Variants in DAB1 observed in about 807,000 individuals in gnomAD.
DAB1 encodes the protein DAB adaptor protein 1.
Under a neutral mutation model 64.6 loss-of-function variants are expected in DAB1, and 15 were observed. The observed-to-expected ratio is 0.23, with a 90% CI of 0.16 to 0.36. The LOEUF is 0.36. Ranked by LOEUF, DAB1 falls within the 10% of genes least tolerant of loss-of-function variation. The pLI, the probability that DAB1 is intolerant of heterozygous loss-of-function variation, is 1.00. For missense variants in DAB1, 596 were observed against 706.7 expected (o/e 0.84, Z 1.78); for synonymous variants, 235 against 251.9 (o/e 0.93, Z 0.64).
At chr1:57,660,069 CAT>C (rs1333116144) in intron 6 of DAB1, among the ~76,000 whole-genome samples, 1 of 151,426 alleles carries the variant, frequency 6.6e-6, no homozygotes, top group Non-Finnish European at 1.5e-5. Context: ...ATAAAGAACA[CAT>C]AATAAAAATG....
chr1:58,324,788 A>G (rs915717100), intron 4 of DAB1, among the ~76,000 whole-genome samples: 1 of 152,214 alleles, frequency 6.6e-6, no homozygotes, highest in African/African-American at 2.4e-5. Flanking sequence ...GGCCTCCTAC[A>G]GAATTCAGCT....
At chr1:57,416,922 T>C (rs1273090350) in intron 1 of DAB1, among the ~76,000 whole-genome samples, 1 of 152,188 alleles carries the variant, frequency 6.6e-6, no homozygotes. Flanking sequence ...TTATTACCTA[T>C]GTAGTGACTA....
At chr1:57,969,306 A>G (rs1311422469) in intron 5 of DAB1, among the ~76,000 whole-genome samples, 1 of 152,172 alleles carries the variant, frequency 6.6e-6, no homozygotes, top group East Asian at 1.9e-4. Flanking sequence ...GAGCTTCACA[A>G]ATGTTAATAT....
chr1:57,043,964 C>T (rs1175981622), intron 9 of DAB1, among the ~76,000 whole-genome samples: 1 of 152,206 alleles, frequency 6.6e-6, no homozygotes, highest in African/African-American at 2.4e-5. Flanking sequence ...GAACTTGCCT[C>T]CACCATTCTC....
intron 6 of DAB1, among the ~76,000 whole-genome samples, chr1:57,807,034 T>C (rs1334833728): frequency 6.6e-6 from 1 of 152,154 alleles, no homozygotes; most frequent in Non-Finnish European, 1.5e-5. Flanking sequence ...CTATGTGTGC[T>C]CTCCCCGACT....
At chr1:58,418,139 T>G (rs1644739304) in intron 3 of DAB1, among the ~76,000 whole-genome samples, 1 of 152,170 alleles carries the variant, frequency 6.6e-6, no homozygotes, top group African/African-American at 2.4e-5. Flanking sequence ...CCTCTGCCCC[T>G]TCCCTATTCT....
chr1:57,358,389 G>A (rs1308041900), intron 1 of DAB1, among the ~76,000 whole-genome samples: 1 of 151,876 alleles, frequency 6.6e-6, no homozygotes, highest in Admixed American at 6.6e-5. Flanking sequence ...TGCTTTTTGT[G>A]CATCTATTGA....
At chr1:58,416,305 C>T (rs1357701373) in intron 3 of DAB1, among the ~76,000 whole-genome samples, 1 of 152,112 alleles carries the variant, frequency 6.6e-6, no homozygotes, top group Non-Finnish European at 1.5e-5. Flanking sequence ...CTGCATGACC[C>T]CAAAGAAAGT....
chr1:57,300,522 A>G lies in DAB1; in HGVS notation c.-136-9356T>C, dbSNP rs572579495. 1.3e-4 allele frequency among the ~76,000 whole-genome samples: 20 copies of G among 152,316 alleles called. No homozygotes were observed. In the South Asian group the frequency reaches 3.3e-3, roughly 25 times the overall value. On this transcript the variant is annotated intron_variant, in intron 1 of 14. Coordinates refer to ENST00000371236, the MANE Select transcript of DAB1 (RefSeq NM_001365792.1). ...ACCTTAAGAAGAAAAGCTGTGGATG[A>G]TAGCATGAAACAGAGAGAAGACGTA...
At chr1:57,347,926 G>A (rs183737811) in intron 1 of DAB1, among the ~76,000 whole-genome samples, 4 of 152,130 alleles carry the variant, frequency 2.6e-5, no homozygotes, top group Admixed American at 2.0e-4. Flanking sequence ...GAGCTTTGGG[G>A]TTCCATCACC....
At chr1:57,369,433 T>A (rs546863022) in intron 1 of DAB1, among the ~76,000 whole-genome samples, 2 of 152,336 alleles carry the variant, frequency 1.3e-5, no homozygotes, top group East Asian at 3.9e-4. Context: ...ATATTCTTAA[T>A]GAACATTTTC....
intron 4 of DAB1, among the ~76,000 whole-genome samples, chr1:58,292,021 A>G (rs1442527538): frequency 6.6e-6 from 1 of 152,202 alleles, no homozygotes; most frequent in African/African-American, 2.4e-5. Flanking sequence ...GAGGCCTTGA[A>G]CAGAACAAAA....
At chr1:58,040,938 G>T (rs1647125929) in intron 5 of DAB1, among the ~76,000 whole-genome samples, 1 of 152,064 alleles carries the variant, frequency 6.6e-6, no homozygotes, top group Non-Finnish European at 1.5e-5. Context: ...CCGGGGATTG[G>T]CTCTTGCTGA....
rs1425442576 is a variant in DAB1, at chr1:58,296,130, A to G, written n.309+47222T>C. Among the ~76,000 whole-genome samples the G allele has an allele frequency of 4.2e-4, 56 of 131,994 alleles. 1 individual carries two copies. The highest frequency in any genetic ancestry group is 1.4e-3 in the African/African-American group (53 of 38,024). The allele number at this position is 131,994 out of a possible 152,430, so 86.6% of individuals were successfully genotyped here. ...AAAAGCAAGAAAGCGAGAAAGAAAA[A>G]AAAGAAAGAAAGGAAAGAAAGAAAA... On this transcript the variant is annotated intron_variant and non_coding_transcript_variant, in intron 4 of 20. Coordinates refer to the DAB1 transcript ENST00000485760.
chr1:58,229,781 G>A (rs1347753145), intron 4 of DAB1, among the ~76,000 whole-genome samples: 1 of 152,184 alleles, frequency 6.6e-6, no homozygotes, highest in Non-Finnish European at 1.5e-5. Context: ...CTGGAGAAGA[G>A]TAACTAAGTT....
intron 7 of DAB1, among the ~76,000 whole-genome samples, chr1:57,629,630 T>G (rs1645963317): frequency 6.6e-6 from 1 of 152,090 alleles, no homozygotes; most frequent in African/African-American, 2.4e-5. Context: ...GGAGTGTGTC[T>G]GAGTTAAATG....
intron 7 of DAB1, among the ~76,000 whole-genome samples, chr1:57,461,944 T>C (rs1350884269): frequency 1.3e-5 from 1 of 79,730 alleles, no homozygotes. Flanking sequence ...AGATATACTC[T>C]TTTTTTTTTT....
rs1311525895 is a variant in DAB1, at chr1:57,984,240, GAAAGAAAGAAAGAAAGAA to G, written n.388-100096_388-100079del. Among the ~76,000 whole-genome samples, 50 of 143,648 alleles carry G rather than the reference GAAAGAAAGAAAGAAAGAA, an allele frequency of 3.5e-4. 1 individual carries two copies. Among genetic ancestry groups the G allele is most frequent in the African/African-American group, 1.1e-3 (43 of 38,820 alleles). The allele number at this position is 143,648 out of a possible 152,430, so 94.2% of individuals were successfully genotyped here. ...AGAAAGAAAGAAAGAAAGAAAGAAA[GAAAGAAAGAAAGAAAGAA>G]AGAAAAAAAATTAAACAGCCAAACC... On this transcript the variant is annotated intron_variant and non_coding_transcript_variant, in intron 5 of 20. Coordinates refer to the DAB1 transcript ENST00000485760.
intron 3 of DAB1, among the ~76,000 whole-genome samples, chr1:58,396,136 G>C (rs185186103): frequency 1.4e-4 from 22 of 151,792 alleles, no homozygotes; most frequent in African/African-American, 4.8e-4. Flanking sequence ...AGGGAGGGGA[G>C]GGGGGGATGG....
Sources: allele counts gnomAD v4.1 joint callset (sites outside exome capture counted in the v4.1 genomes callset), GRCh38; gene constraint gnomAD v4.1.1; transcripts MANE v1.5; gene names NCBI Gene and HGNC (gene_info 2026-07-23, HGNC 2026-07-21).